Variants in SOX5 observed in about 807,000 individuals in gnomAD.
SOX5 encodes the protein SRY-box transcription factor 5.
A neutral mutation model predicts 92.0 loss-of-function variants in SOX5; 9 were observed. The ratio of observed to expected loss-of-function variants is 0.10; its 90% CI spans 0.06 to 0.17. SOX5 has a LOEUF of 0.17. SOX5 is among the 10% of genes least tolerant of loss of function. The probability of loss-of-function intolerance (pLI) is 1.00; values close to 1 mark genes in which losing one functional copy is unlikely to be tolerated. For missense variants in SOX5, 642 were observed against 944.5 expected, an observed-to-expected ratio of 0.68 and a Z score of 4.20; for synonymous variants, 344 against 336.3, an observed-to-expected ratio of 1.02 and a Z score of -0.25.
At chr12:24,422,120 G>A (rs558229283) in intron 1 of SOX5, among the ~76,000 whole-genome samples, 5 of 152,308 alleles carry the variant, frequency 3.3e-5, no homozygotes, top group South Asian at 2.1e-4. Context: ...TGGGGGCATC[G>A]ATGACTAGGA....
intron 9 of SOX5, among the ~76,000 whole-genome samples, chr12:23,600,512 G>A (rs1293597906): frequency 2.0e-5 from 1 of 49,762 alleles, no homozygotes; most frequent in African/African-American, 1.0e-4. Context: ...AGACCATGGC[G>A]GGGGGGGTGC....
intron 4 of SOX5, among the ~76,000 whole-genome samples, chr12:24,149,399 G>A (rs1350153495): frequency 2.6e-5 from 4 of 152,268 alleles, no homozygotes; most frequent in Middle Eastern, 3.4e-3. Context: ...CATGAGATTT[G>A]TACAGACATT....
At chr12:24,404,602 A>G (rs75364712) in intron 1 of SOX5, among the ~76,000 whole-genome samples, 180 of 152,362 alleles carry the variant, frequency 1.2e-3, no homozygotes, top group East Asian at 0.011. Context: ...GAAAGCCAGC[A>G]TTCTTCTTGT....
chr12:23,634,291 T>A (rs188019769), intron 8 of SOX5, among the ~76,000 whole-genome samples: 1 of 152,234 alleles, frequency 6.6e-6, no homozygotes, highest in East Asian at 1.9e-4. Context: ...ATAATACATT[T>A]TATAGTATAT....
At position 23,967,519 on chromosome 12, in the gene SOX5, T is replaced by C. The variant is rs1482155748; in HGVS notation, c.-1-71495A>G. ...AGATAGATATAAAATCTATAAATTA[T>C]ATTGAATAATAGTTCCCCAGAGAGG... On this transcript the variant is annotated intron_variant, in intron 4 of 4. Transcript: ENST00000446891. Among the ~76,000 whole-genome samples, 8 of 152,096 alleles carry C rather than the reference T, an allele frequency of 5.3e-5. No homozygotes were observed. In the East Asian group the frequency reaches 1.3e-3, roughly 26 times the overall value.
At chr12:23,815,876 C>CTAGA (rs2095980941) in intron 3 of SOX5, among the ~76,000 whole-genome samples, 1 of 152,046 alleles carries the variant, frequency 6.6e-6, no homozygotes, top group Admixed American at 6.5e-5. Flanking sequence ...CTATAAAGGG[C>CTAGA]TAGATAGGAA....
chr12:24,065,693 A>G (rs1292050913), intron 4 of SOX5, among the ~76,000 whole-genome samples: 1 of 151,978 alleles, frequency 6.6e-6, no homozygotes, highest in Non-Finnish European at 1.5e-5. Flanking sequence ...AAGAAAAAGA[A>G]ATAATCACTA....
chr12:24,549,014 C>A (rs1261438528), intron 1 of SOX5, among the ~76,000 whole-genome samples: 2 of 152,166 alleles, frequency 1.3e-5, no homozygotes, highest in South Asian at 4.1e-4. Context: ...AGCCATGCTG[C>A]CCTTCTAATT....
At chr12:24,303,252 T>C (rs967512496) in intron 2 of SOX5, among the ~76,000 whole-genome samples, 2 of 152,328 alleles carry the variant, frequency 1.3e-5, no homozygotes, top group South Asian at 4.1e-4. Flanking sequence ...ACATCCAATA[T>C]AGTTCAGATA....
chr12:24,483,837 C>G (rs753860718), intron 1 of SOX5, among the ~76,000 whole-genome samples: 1 of 152,184 alleles, frequency 6.6e-6, no homozygotes, highest in Non-Finnish European at 1.5e-5. Context: ...TCTGCATTCT[C>G]TTTAGTAATT....
chr12:24,416,342 A>G (rs932625161), intron 1 of SOX5, among the ~76,000 whole-genome samples: 2 of 152,100 alleles, frequency 1.3e-5, no homozygotes, highest in African/African-American at 4.8e-5. Context: ...TGAATCTCCA[A>G]CTTGTTATAT....
intron 3 of SOX5, among the ~76,000 whole-genome samples, chr12:24,274,912 A>T (rs182172293): frequency 6.6e-6 from 1 of 152,298 alleles, no homozygotes; most frequent in Admixed American, 6.5e-5. Flanking sequence ...TGTTTATCCA[A>T]TGCCACTGAA....
In SOX5 at chr12:23,531,388, C is replaced by A. The variant is rs950397845; in HGVS notation, c.*2831G>T. On this transcript the variant is annotated 3_prime_UTR_variant, in exon 15 of 15. Transcript: ENST00000451604. ...AAAAGACCAAACACCAAAGTGTTGT[C>A]AATTCATCGGTAAGTGTGTTAGAAT... 4 of 152,130 alleles carry A rather than the reference C, an allele frequency of 2.6e-5. No individual in the cohort carries two copies. The highest frequency in any genetic ancestry group is 5.9e-5 in the Non-Finnish European group (4 of 68,024). 9.4% of individuals were successfully genotyped at this position (152,130 alleles called of 1,614,324 possible).
intron 4 of SOX5, among the ~76,000 whole-genome samples, chr12:24,156,802 T>C (rs1198902051): frequency 2.0e-5 from 3 of 152,264 alleles, no homozygotes; most frequent in African/African-American, 7.2e-5. Context: ...CCATATTCTT[T>C]CTACAGCATT....
chr12:23,806,270 A>G (rs1049279123), intron 3 of SOX5, among the ~76,000 whole-genome samples: 1 of 152,178 alleles, frequency 6.6e-6, no homozygotes, highest in African/African-American at 2.4e-5. Context: ...CACTGCTAAC[A>G]ATGCCATGAG....
chr12:24,525,204 T>C (rs1197755319), intron 1 of SOX5, among the ~76,000 whole-genome samples: 2 of 152,208 alleles, frequency 1.3e-5, no homozygotes, highest in Non-Finnish European at 2.9e-5. Flanking sequence ...CAAGGCAATA[T>C]CATTCAGCCT....
chr12:23,653,076 G>A (rs868312528), intron 7 of SOX5, among the ~76,000 whole-genome samples: 5 of 75,914 alleles, frequency 6.6e-5, no homozygotes, highest in Middle Eastern at 8.3e-3. Flanking sequence ...GGATGGATGG[G>A]TGGATGGATG....
chr12:23,686,758 G>C (rs915722054), intron 6 of SOX5, among the ~76,000 whole-genome samples: 1 of 151,948 alleles, frequency 6.6e-6, no homozygotes, highest in Non-Finnish European at 1.5e-5. Context: ...CAATCATCAA[G>C]ACTATGCCTC....
intron 3 of SOX5, among the ~76,000 whole-genome samples, chr12:23,785,027 A>G (rs764181347): frequency 6.6e-6 from 1 of 152,204 alleles, no homozygotes; most frequent in Non-Finnish European, 1.5e-5. Flanking sequence ...GGCTACAGGG[A>G]GCCATGATTG....
Sources: allele counts gnomAD v4.1 joint callset (sites outside exome capture counted in the v4.1 genomes callset), GRCh38; gene constraint gnomAD v4.1.1; transcripts MANE v1.5; gene names NCBI Gene and HGNC (gene_info 2026-07-23, HGNC 2026-07-21).